The following HPR variants were observed in gnomAD, a reference collection of about 807,000 sequenced individuals.
HPR encodes Haptoglobin-related locus.
HPR carries 17 observed loss-of-function variants against 18.5 expected under a neutral mutation model. The observed-to-expected ratio is 0.92, with a 90% confidence interval of 0.63 to 1.38. HPR has a LOEUF of 1.38. Among genes scored for constraint, HPR ranks in the 40% most tolerant of loss-of-function variants. HPR has a pLI of 0.00. For synonymous variants in HPR, 176 were observed against 165.0 expected (o/e 1.07, Z -0.51); for missense variants, 457 against 432.4 (o/e 1.06, Z -0.51).
intron 1 of HPR, among the ~76,000 whole-genome samples, chr16:72,070,489 T>A (rs1454006338): frequency 6.6e-6 from 1 of 152,008 alleles, no homozygotes; most frequent in Non-Finnish European, 1.5e-5. Context: ...AAGACTGCAG[T>A]CCGAACAGCA....
chr16:72,067,307 C>T (rs565741334), intron 1 of HPR, among the ~76,000 whole-genome samples: 16 of 152,276 alleles, frequency 1.1e-4, no homozygotes, highest in African/African-American at 3.8e-4. Flanking sequence ...TTCCCCTCAT[C>T]TAATGTTGCC....
chr16:72,073,687 G>C (rs570270203), intron 1 of HPR: 1 of 1,464,928 alleles, frequency 6.8e-7, no homozygotes, highest in South Asian at 1.2e-5. Context: ...GCGTGTATGT[G>C]GGGCGGAGGG....
At chr16:72,072,437 T>C (rs1387596114) in intron 1 of HPR, among the ~76,000 whole-genome samples, 2 of 152,170 alleles carry the variant, frequency 1.3e-5, no homozygotes, top group Non-Finnish European at 2.9e-5. Flanking sequence ...GGAGATTGTG[T>C]CATTATCGGA....
chr16:72,074,383 A>T lies in HPR; in HGVS notation c.191A>T (p.Asp64Val). ...TACTACAGACTGCGCACAGAAGGAG[A>T]TGGTAAGACCTGGACAACTATCTCT... ...KNYYRLRTEGDGVYTLNDKKQ... is the reference protein window; with the variant it reads ...KNYYRLRTEGVGVYTLNDKKQ... Residue 64 changes from aspartate to valine, a missense_variant and splice_region_variant, in exon 3 of 5, where the codon GAT (aspartate) becomes GTT (valine). Transcript: ENST00000540303. 3.1e-6 allele frequency: 5 copies of T among 1,607,568 alleles called. No individual in the cohort carries two copies. Among genetic ancestry groups the T allele is most frequent in the Non-Finnish European group, 3.4e-6 (4 of 1,174,054 alleles).
intron 1 of HPR, among the ~76,000 whole-genome samples, chr16:72,067,014 T>C (rs530253536): frequency 4.6e-5 from 7 of 152,014 alleles, no homozygotes; most frequent in South Asian, 2.1e-4. Flanking sequence ...CTAAAGAGCA[T>C]AGAAAAGCAA....
chr16:72,073,655 G>C (rs1033746913), intron 1 of HPR: 15 of 1,375,342 alleles, frequency 1.1e-5, no homozygotes, highest in African/African-American at 8.6e-5. Context: ...CTGGAAGCTT[G>C]GTATGCTCAG....
Position 72,076,412 on chromosome 16 carries a change from T to G in HPR, c.378T>G (p.Asn126Lys), listed in dbSNP as rs2041724370. The G allele has an allele frequency of 6.2e-7, 1 of 1,614,046 alleles. No individual in the cohort carries two copies. Among genetic ancestry groups the G allele is most frequent in the Admixed American group, 1.7e-5 (1 of 60,002 alleles). Reference protein sequence around the residue: ...PWQAKMVSHHNLTTGATLINE... With the variant: ...PWQAKMVSHHKLTTGATLINE... ...AGGCTAAGATGGTTTCCCACCATAA[T>G]CTCACCACAGGGGCCACGCTGATCA... Residue 126 changes from asparagine to lysine, a missense_variant, in exon 5 of 5, where the codon AAT (asparagine) becomes AAG (lysine). Asn to Lys is a moderately conservative substitution (Grantham distance 94). Coordinates refer to ENST00000540303, the MANE Select transcript of HPR (RefSeq NM_020995.4).
Position 72,076,947 on chromosome 16 carries a change from G to T in HPR, c.913G>T (p.Asp305Tyr). The change falls in exon 5 of 5, where the codon GAC becomes TAC. Residue 305 changes from aspartate (D) to tyrosine (Y), a missense_variant. Coordinates refer to ENST00000540303, the MANE Select transcript of HPR (RefSeq NM_020995.4). Reference sequence around the variant, plus strand: ...TGCGGGCAGTGCCTTTGCCGTTCACGACCTGGAGGAGGACACCTGGTACGC... The same window carrying T: ...TGCGGGCAGTGCCTTTGCCGTTCACTACCTGGAGGAGGACACCTGGTACGC... ...GDAGSAFAVH[D>Y]LEEDTWYAAG... is the part of the protein sequence containing the mutation. 6.2e-7 allele frequency: 1 copy of T among 1,614,218 alleles called. No homozygotes were observed. The highest frequency in any genetic ancestry group is 8.5e-7 in the Non-Finnish European group (1 of 1,180,042).
In HPR at chr16:72,064,220, T is replaced by G. The variant is rs186472432; in HGVS notation, c.5+960T>G. On this transcript the variant is annotated intron_variant, in intron 1 of 4. Coordinates refer to ENST00000540303, the MANE Select transcript of HPR (RefSeq NM_020995.4). ...GGTTTGAGATACCATTTCCTAAAGG[T>G]GAATTATCACAAAATACTAGAAATA... 4.4e-3 allele frequency among the ~76,000 whole-genome samples: 671 copies of G among 152,268 alleles called. 2 individuals carry two copies. Among genetic ancestry groups the G allele is most frequent in the South Asian group, 7.3e-3 (35 of 4,826 alleles).
chr16:72,076,830 C>T lies in HPR; in HGVS notation c.796C>T (p.Pro266Ser). The T allele has an allele frequency of 2.5e-6, 4 of 1,614,210 alleles. No homozygotes were observed. The highest frequency in any genetic ancestry group is 4.5e-5 in the East Asian group (2 of 44,888). The change falls in exon 5 of 5, where the codon CCG becomes TCG. Residue 266 changes from proline to serine, a missense_variant. Pro to Ser is a moderately conservative substitution (Grantham distance 74). Transcript: ENST00000540303. ...EGSTCPKWKA[P>S]KSPVGVQPIL... ...CAGCACATGCCCCAAATGGAAGGCACCGAAGAGCCCTGTAGGGGTGCAGCC... is the reference window on the plus strand; with the variant it reads ...CAGCACATGCCCCAAATGGAAGGCATCGAAGAGCCCTGTAGGGGTGCAGCC...
At chr16:72,072,098 T>C (rs1201706556) in intron 1 of HPR, among the ~76,000 whole-genome samples, 6 of 152,080 alleles carry the variant, frequency 3.9e-5, no homozygotes. Context: ...AACTTCTGCC[T>C]CCTGGGTCCA....
At chr16:72,073,190 T>A (rs1375411856) in intron 1 of HPR, among the ~76,000 whole-genome samples, 1 of 152,170 alleles carries the variant, frequency 6.6e-6, no homozygotes, top group Non-Finnish European at 1.5e-5. Context: ...GGAGTCAGGA[T>A]ACAGTAGCAG....
At chr16:72,068,454 C>T (rs1345568038) in intron 1 of HPR, among the ~76,000 whole-genome samples, 1 of 152,154 alleles carries the variant, frequency 6.6e-6, no homozygotes, top group Non-Finnish European at 1.5e-5. Context: ...ATACCAAAAA[C>T]TTGCCCAGGG....
At position 72,075,236 on chromosome 16, in the gene HPR, G is replaced by A. The variant is rs1327076591; in HGVS notation, c.268+17G>A. ...GTGAAGCAGGTGGGTGCTGAGCACTGAGCACTTAAGAGAGCAGGCAGGCGT... is the reference window on the plus strand; with the variant it reads ...GTGAAGCAGGTGGGTGCTGAGCACTAAGCACTTAAGAGAGCAGGCAGGCGT... On this transcript the variant is annotated intron_variant, in intron 4 of 4. Coordinates refer to ENST00000540303, the MANE Select transcript of HPR (RefSeq NM_020995.4). 3 of 1,363,324 alleles carry A rather than the reference G, an allele frequency of 2.2e-6. No homozygotes were observed. The highest frequency in any genetic ancestry group is 2.0e-6 in the Non-Finnish European group (2 of 983,910). The allele number at this position is 1,363,324 out of a possible 1,614,324, so 84.5% of individuals were successfully genotyped here.
In HPR at chr16:72,063,247, C is replaced by T. The variant is rs2041561102; in HGVS notation, c.-9C>T. 6.3e-7 allele frequency: 1 copy of T among 1,592,822 alleles called. No individual in the cohort carries two copies. The highest frequency in any genetic ancestry group is 1.7e-5 in the Admixed American group (1 of 58,124). On this transcript the variant is annotated 5_prime_UTR_variant, in exon 1 of 5. Transcript: ENST00000540303. The stretch of plus-strand genomic sequence containing the variant: ...CAGCACTGCTCTTCCAGAGGCAAGA[C>T]CAACCAAGATGAGGTGGGTCCACAG...
In HPR at chr16:72,068,970, G is replaced by A. The variant is rs2041626363; in HGVS notation, c.6-4922G>A. Among the ~76,000 whole-genome samples the A allele has an allele frequency of 2.0e-5, 3 of 152,086 alleles. No individual in the cohort carries two copies. In the South Asian group the frequency reaches 6.2e-4, roughly 32 times the overall value. Reference sequence around the variant, plus strand: ...GAAAGATCCCTTTCAAAACAGGACGGCACTTATTTATAGATGGTTCCTCCC... The same window carrying A: ...GAAAGATCCCTTTCAAAACAGGACGACACTTATTTATAGATGGTTCCTCCC... On this transcript the variant is annotated intron_variant, in intron 1 of 4. Transcript: ENST00000540303.
chr16:72,069,414 G>A (rs1174490192), intron 1 of HPR, among the ~76,000 whole-genome samples: 6 of 152,226 alleles, frequency 3.9e-5, no homozygotes, highest in Non-Finnish European at 7.4e-5. Context: ...TGTTTCCTCC[G>A]AAACACCTAT....
Position 72,076,713 on chromosome 16 carries a change from G to A in HPR, c.679G>A (p.Gly227Arg). ...VGRVGYVSGW[G>R]QSDNFKLTDH... is the part of the protein sequence containing the mutation. The stretch of plus-strand genomic sequence containing the variant: ...GCGTGTGGGTTACGTGTCTGGCTGG[G>A]GACAAAGTGACAACTTTAAACTTAC... Residue 227 changes from glycine to arginine, a missense_variant, in exon 5 of 5, where the codon GGA becomes AGA. Gly to Arg is a moderately radical substitution (Grantham distance 125). Coordinates refer to ENST00000540303, the MANE Select transcript of HPR (RefSeq NM_020995.4). The A allele has an allele frequency of 6.2e-7, 1 of 1,614,162 alleles. No homozygotes were observed. Among genetic ancestry groups the A allele is most frequent in the Non-Finnish European group, 8.5e-7 (1 of 1,180,034 alleles).
At chr16:72,065,490 C>A (rs1296339754) in intron 1 of HPR, among the ~76,000 whole-genome samples, 1 of 152,070 alleles carries the variant, frequency 6.6e-6, no homozygotes, top group Non-Finnish European at 1.5e-5. Flanking sequence ...AAAATAGTAA[C>A]AAGGATATAC....
Sources: gnomAD v4.1 joint callset for allele counts (sites outside exome capture counted in the v4.1 genomes callset) on GRCh38, gnomAD v4.1.1 for gene constraint, MANE v1.5 for transcripts, NCBI Gene and HGNC (gene_info 2026-07-23, HGNC 2026-07-21) for gene names.